GPC6: variants seen among roughly 807,000 people sequenced by gnomAD.
The protein encoded by GPC6 is glypican 6.
Under a neutral mutation model 55.2 loss-of-function variants are expected in GPC6, and 14 were observed. The observed-to-expected ratio is 0.25, with a 90% CI of 0.17 to 0.40. GPC6 has a LOEUF of 0.40. GPC6 is among the 10% of genes least tolerant of loss of function. The probability of loss-of-function intolerance (pLI) is 1.00; values close to 1 mark genes in which losing one functional copy is unlikely to be tolerated. For missense variants in GPC6, 641 were observed against 708.5 expected (o/e 0.90, Z 1.08); for synonymous variants, 278 against 259.6 (o/e 1.07, Z -0.68).
At chr13:94,150,039 A>G (rs1170491178) in intron 4 of GPC6, among the ~76,000 whole-genome samples, 1 of 151,886 alleles carries the variant, frequency 6.6e-6, no homozygotes, top group Non-Finnish European at 1.5e-5. Flanking sequence ...AGTCCCAAAC[A>G]CTCTGTATCA....
At chr13:93,668,420 G>C (rs1881228968) in intron 2 of GPC6, among the ~76,000 whole-genome samples, 1 of 152,158 alleles carries the variant, frequency 6.6e-6, no homozygotes, top group African/African-American at 2.4e-5. Context: ...AGTGTAGTGG[G>C]TTGAATGGAC....
intron 1 of GPC6, among the ~76,000 whole-genome samples, chr13:93,241,525 T>A (rs1021115574): frequency 5.9e-5 from 9 of 152,162 alleles, no homozygotes; most frequent in Admixed American, 6.5e-5. Context: ...TTTGATTTTT[T>A]AAAATCTATC....
chr13:94,036,431 T>C (rs1022677203), intron 4 of GPC6, among the ~76,000 whole-genome samples: 2 of 152,090 alleles, frequency 1.3e-5, no homozygotes, highest in Non-Finnish European at 2.9e-5. Context: ...AGTAGTTGAA[T>C]ATATGGCATT....
chr13:93,879,036 G>A (rs1874783213), intron 3 of GPC6, among the ~76,000 whole-genome samples: 1 of 152,022 alleles, frequency 6.6e-6, no homozygotes, highest in Non-Finnish European at 1.5e-5. Context: ...AGCCAGAAGA[G>A]TAGTCAAAAA....
At chr13:94,289,232 G>C (rs548945227) in intron 5 of GPC6, among the ~76,000 whole-genome samples, 2 of 152,004 alleles carry the variant, frequency 1.3e-5, no homozygotes, top group Admixed American at 1.3e-4. Context: ...AAGTCCGACA[G>C]AGCTTAAAGG....
intron 4 of GPC6, among the ~76,000 whole-genome samples, chr13:94,195,458 TC>T (rs1382818891): frequency 6.6e-6 from 1 of 152,238 alleles, no homozygotes; most frequent in Non-Finnish European, 1.5e-5. Context: ...TTGTTTCAAA[TC>T]ATGTGCCATA....
chr13:94,356,045 C>T (rs1485925170), intron 6 of GPC6, among the ~76,000 whole-genome samples: 1 of 152,100 alleles, frequency 6.6e-6, no homozygotes, highest in Non-Finnish European at 1.5e-5. Flanking sequence ...TTTTCTGTTC[C>T]TGTGTTAGCT....
intron 3 of GPC6, among the ~76,000 whole-genome samples, chr13:93,872,074 A>G (rs1478144068): frequency 6.6e-6 from 1 of 151,978 alleles, no homozygotes; most frequent in East Asian, 1.9e-4. Context: ...AGAAGTGCTC[A>G]ATGCTGTTTT....
intron 3 of GPC6, among the ~76,000 whole-genome samples, chr13:93,959,754 A>C (rs981267948): frequency 6.6e-6 from 1 of 152,084 alleles, no homozygotes; most frequent in Non-Finnish European, 1.5e-5. Context: ...CACTATTCTA[A>C]TTATTTTATA....
chr13:93,329,597 T>A (rs911478189), intron 1 of GPC6, among the ~76,000 whole-genome samples: 5 of 152,188 alleles, frequency 3.3e-5, no homozygotes, highest in Non-Finnish European at 5.9e-5. Context: ...CTTTCAGTAG[T>A]TAATGGTGAA....
At chr13:93,914,830 G>A (rs1877205485) in intron 3 of GPC6, among the ~76,000 whole-genome samples, 1 of 152,200 alleles carries the variant, frequency 6.6e-6, no homozygotes, top group African/African-American at 2.4e-5. Flanking sequence ...GAGAAATTCT[G>A]TAACTCAGTA....
chr13:93,404,873 A>G (rs1876229649), intron 1 of GPC6, among the ~76,000 whole-genome samples: 1 of 152,210 alleles, frequency 6.6e-6, no homozygotes, highest in African/African-American at 2.4e-5. Context: ...TAAAATAAAT[A>G]CTATCACATA....
chr13:93,254,735 C>G (rs1199589632), intron 1 of GPC6, among the ~76,000 whole-genome samples: 2 of 151,842 alleles, frequency 1.3e-5, no homozygotes, highest in African/African-American at 2.4e-5. Context: ...AGTGAGGATG[C>G]CCAGATGACA....
rs536565000 is a variant in GPC6, at chr13:94,027,606, C to T, written c.712-123C>T. The T allele has an allele frequency of 4.5e-5, 38 of 848,690 alleles. No homozygotes were observed. The Middle Eastern group carries it at 1.3e-3, about 29-fold the overall frequency. 52.6% of individuals were successfully genotyped at this position (848,690 alleles called of 1,614,324 possible). ...GAATTCAACAGGAATTGGATGGATTCAAGATCAGTAATTACAAAGGGTTAA... is the reference window on the plus strand; with the variant it reads ...GAATTCAACAGGAATTGGATGGATTTAAGATCAGTAATTACAAAGGGTTAA... On this transcript the variant is annotated intron_variant, in intron 3 of 8. Coordinates refer to ENST00000377047, the MANE Select transcript of GPC6 (RefSeq NM_005708.5).
intron 3 of GPC6, among the ~76,000 whole-genome samples, chr13:93,839,076 A>G (rs1887853320): frequency 6.6e-6 from 1 of 152,178 alleles, no homozygotes; most frequent in East Asian, 1.9e-4. Flanking sequence ...AGACTAATCA[A>G]TAGCATCAAC....
At chr13:94,228,797 T>TA (rs34427487) in intron 4 of GPC6, among the ~76,000 whole-genome samples, 60,024 of 145,296 alleles carry the variant, frequency 0.41, 13,282 homozygotes, top group East Asian at 0.8. Context: ...CTCTTTGGTT[T>TA]AAAAAAAAAA....
At chr13:93,246,922 C>A (rs1388093925) in intron 1 of GPC6, among the ~76,000 whole-genome samples, 5 of 150,924 alleles carry the variant, frequency 3.3e-5, no homozygotes, top group African/African-American at 9.7e-5. Context: ...ATTTCCCCCC[C>A]AAATCTCCAT....
At chr13:93,498,432 C>T (rs1336103297) in intron 1 of GPC6, among the ~76,000 whole-genome samples, 1 of 152,158 alleles carries the variant, frequency 6.6e-6, no homozygotes, top group Non-Finnish European at 1.5e-5. Flanking sequence ...TATTGTCTGA[C>T]CTGGTTTGGC....
chr13:94,306,611 T>C (rs182344227), intron 6 of GPC6, among the ~76,000 whole-genome samples: 25 of 152,322 alleles, frequency 1.6e-4, no homozygotes, highest in African/African-American at 5.3e-4. Context: ...TTTTTATGTG[T>C]CTTTAAAAAG....
Sources: allele counts gnomAD v4.1 joint callset (sites outside exome capture counted in the v4.1 genomes callset), GRCh38; gene constraint gnomAD v4.1.1; transcripts MANE v1.5; gene names NCBI Gene and HGNC (gene_info 2026-07-23, HGNC 2026-07-21).